The following CTNNAL1 variants were observed in gnomAD, a reference collection of about 807,000 sequenced individuals.
The protein encoded by CTNNAL1 is alpha-catulin.
CTNNAL1 carries 69 observed loss-of-function variants against 93.6 expected under a neutral mutation model. That is an observed-to-expected ratio of 0.74 (90% CI 0.61 to 0.90). CTNNAL1 has a LOEUF of 0.90. CTNNAL1 is among the 40% of genes least tolerant of loss of function. CTNNAL1 has a pLI of 0.00. For missense variants in CTNNAL1, 836 were observed against 862.0 expected (o/e 0.97, Z 0.38); for synonymous variants, 286 against 305.4 (o/e 0.94, Z 0.66).
intron 11 of CTNNAL1, among the ~76,000 whole-genome samples, chr9:108,958,304 A>G (rs1365650850): frequency 6.6e-6 from 1 of 152,206 alleles, no homozygotes; most frequent in East Asian, 1.9e-4. Context: ...TATCTCTAAG[A>G]TACCACAGAG....
chr9:108,947,529 A>G (rs1211087956), intron 15 of CTNNAL1, among the ~76,000 whole-genome samples: 1 of 152,214 alleles, frequency 6.6e-6, no homozygotes, highest in African/African-American at 2.4e-5. Flanking sequence ...GGTTCTAGAG[A>G]GGCAAACAGG....
At position 108,971,424 on chromosome 9, in the gene CTNNAL1, C is replaced by G. The variant is rs967361206; in HGVS notation, c.1348-930G>C. Among the ~76,000 whole-genome samples the G allele has an allele frequency of 2.6e-5, 4 of 152,242 alleles. No homozygotes were observed. In the South Asian group the frequency reaches 8.3e-4, roughly 32 times the overall value. ...TGATATGGTTTGGCTGTGTCCCTAC[C>G]CAAATCTCACCTTGAATTGGTAATA... On this transcript the variant is annotated intron_variant, in intron 9 of 18. Transcript: ENST00000325551.
intron 15 of CTNNAL1, among the ~76,000 whole-genome samples, chr9:108,947,348 C>T (rs12552126): frequency 0.13 from 19,157 of 152,096 alleles, 1,567 homozygotes; most frequent in Middle Eastern, 0.18. Flanking sequence ...CTCCTGACCT[C>T]GTGATCCACC....
Position 109,013,171 on chromosome 9 carries a change from C to G in CTNNAL1, c.141+131G>C, listed in dbSNP as rs574398627. 49 of 1,178,268 alleles carry G rather than the reference C, an allele frequency of 4.2e-5. No individual in the cohort carries two copies. The South Asian group carries it at 9.0e-4, about 22-fold the overall frequency. 73.0% of individuals were successfully genotyped at this position (1,178,268 alleles called of 1,614,324 possible). A position where few individuals can be genotyped will look rare whatever the true frequency, so the allele number is the denominator to read the frequency against. On this transcript the variant is annotated intron_variant, in intron 1 of 18. Coordinates refer to ENST00000325551, the MANE Select transcript of CTNNAL1 (RefSeq NM_003798.4). ...GTCCCGGAGCCCCACACAGGCGGTCCGACAAGAACGCCGCAGTGCCGGCGC... is the reference window on the plus strand; with the variant it reads ...GTCCCGGAGCCCCACACAGGCGGTCGGACAAGAACGCCGCAGTGCCGGCGC...
At chr9:108,984,093 C>G (rs1831524689) in intron 5 of CTNNAL1, among the ~76,000 whole-genome samples, 1 of 152,174 alleles carries the variant, frequency 6.6e-6, no homozygotes, top group South Asian at 2.1e-4. Context: ...TGTGACAGGC[C>G]TTAATTCATA....
chr9:108,986,720 C>G (rs1368987694), intron 4 of CTNNAL1, among the ~76,000 whole-genome samples: 2 of 152,134 alleles, frequency 1.3e-5, no homozygotes, highest in Non-Finnish European at 2.9e-5. Flanking sequence ...GATTGCCATT[C>G]TAACTGGTGT....
chr9:108,959,221 C>T (rs11793287), intron 11 of CTNNAL1, among the ~76,000 whole-genome samples: 34,086 of 150,834 alleles, frequency 0.23, 4,743 homozygotes, highest in Admixed American at 0.31. Flanking sequence ...AAAAATTAGC[C>T]GGGTGTGGTG....
At chr9:108,980,242 T>C (rs1831389085) in intron 6 of CTNNAL1, among the ~76,000 whole-genome samples, 1 of 152,162 alleles carries the variant, frequency 6.6e-6, no homozygotes, top group East Asian at 1.9e-4. Flanking sequence ...GCCATCCTGT[T>C]TGGAGTTCCT....
At chr9:108,988,774 A>G (rs573065492) in intron 4 of CTNNAL1, among the ~76,000 whole-genome samples, 1 of 152,332 alleles carries the variant, frequency 6.6e-6, no homozygotes, top group East Asian at 1.9e-4. Context: ...CCATGAGTGC[A>G]GAGGTTTTTG....
chr9:108,974,359 CTTTTT>C (rs1379497673), intron 8 of CTNNAL1, among the ~76,000 whole-genome samples: 2 of 151,986 alleles, frequency 1.3e-5, no homozygotes, highest in Non-Finnish European at 2.9e-5. Flanking sequence ...TTTTTTCTTT[CTTTTT>C]TGTTTTGTTT....
At chr9:108,990,666 T>G in intron 4 of CTNNAL1, 60 bp downstream of exon 4, 1 of 1,550,612 alleles carries the variant, frequency 6.4e-7, no homozygotes, top group Non-Finnish European at 8.7e-7. Flanking sequence ...CGATCATACC[T>G]CCATCCAAAC....
At chr9:108,968,921 T>TA (rs1222973425) in intron 10 of CTNNAL1, among the ~76,000 whole-genome samples, 3 of 151,508 alleles carry the variant, frequency 2.0e-5, no homozygotes, top group Non-Finnish European at 2.9e-5. Context: ...AAATAATATT[T>TA]AAAAAAATAA....
rs1229954126 is a variant in CTNNAL1, at chr9:108,990,710, T to C, written c.639+16A>G. The C allele has an allele frequency of 1.2e-6, 2 of 1,605,784 alleles. No individual in the cohort carries two copies. The highest frequency in any genetic ancestry group is 2.7e-5 in the African/African-American group (2 of 74,678). ...ATGTATTTATCTGAAGATTGTAAAA[T>C]GTGATGAATACATACATTTTGTCTA... On this transcript the variant is annotated intron_variant, in intron 4 of 18. Coordinates refer to ENST00000325551, the MANE Select transcript of CTNNAL1 (RefSeq NM_003798.4).
At chr9:109,003,534 A>T (rs1826915763) in intron 1 of CTNNAL1, among the ~76,000 whole-genome samples, 1 of 152,248 alleles carries the variant, frequency 6.6e-6, no homozygotes, top group Admixed American at 6.5e-5. Flanking sequence ...AACTATTCCC[A>T]GGACTTGAGT....
intron 4 of CTNNAL1, among the ~76,000 whole-genome samples, chr9:108,986,310 G>C (rs1290714618): frequency 6.6e-6 from 1 of 150,556 alleles, no homozygotes; most frequent in African/African-American, 2.5e-5. Flanking sequence ...AGTTTACTGA[G>C]AATGATGATT....
At chr9:108,960,232 C>T (rs1249751781) in intron 11 of CTNNAL1, among the ~76,000 whole-genome samples, 1 of 152,160 alleles carries the variant, frequency 6.6e-6, no homozygotes, top group East Asian at 1.9e-4. Flanking sequence ...CATCCTCCAA[C>T]TCCTCCCTCT....
rs202203752 is a variant in CTNNAL1, at chr9:109,002,782, G to A, written c.142-3526C>T. On this transcript the variant is annotated intron_variant, in intron 1 of 18. Coordinates refer to ENST00000325551, the MANE Select transcript of CTNNAL1 (RefSeq NM_003798.4). Reference sequence around the variant, plus strand: ...GCAGATCACCTGAGGTTGGGAGTTCGAGACCAGCCTGACCAACATGGAGAA... The same window carrying A: ...GCAGATCACCTGAGGTTGGGAGTTCAAGACCAGCCTGACCAACATGGAGAA... Among the ~76,000 whole-genome samples, 6 of 151,222 alleles carry A rather than the reference G, an allele frequency of 4.0e-5. No homozygotes were observed. The East Asian group carries it at 9.7e-4, about 24-fold the overall frequency.
At chr9:108,971,802 C>T (rs1470985807) in intron 9 of CTNNAL1, among the ~76,000 whole-genome samples, 1 of 152,060 alleles carries the variant, frequency 6.6e-6, no homozygotes, top group African/African-American at 2.4e-5. Flanking sequence ...TTTCAATAGG[C>T]AGAAGGCTCA....
intron 3 of CTNNAL1, among the ~76,000 whole-genome samples, chr9:108,991,702 G>T (rs1006682912): frequency 6.6e-6 from 1 of 152,162 alleles, no homozygotes; most frequent in Non-Finnish European, 1.5e-5. Flanking sequence ...AAGAGGGGAA[G>T]GTTGTTTGTA....
Sources: allele counts gnomAD v4.1 joint callset (sites outside exome capture counted in the v4.1 genomes callset), GRCh38; gene constraint gnomAD v4.1.1; transcripts MANE v1.5; gene names NCBI Gene and HGNC (gene_info 2026-07-23, HGNC 2026-07-21).